The following COG2 variants were observed in gnomAD, a reference collection of about 807,000 sequenced individuals.
COG2 encodes conserved oligomeric Golgi complex subunit 2.
A neutral mutation model predicts 90.6 loss-of-function variants in COG2; 52 were observed. That is an observed-to-expected ratio of 0.57 (90% CI 0.46 to 0.72). COG2 has a LOEUF of 0.72. COG2 is among the 30% of genes least tolerant of loss of function. COG2 has a pLI of 0.00. For missense variants in COG2, 829 were observed against 891.2 expected, an observed-to-expected ratio of 0.93 and a Z score of 0.89; for synonymous variants, 337 against 320.4, an observed-to-expected ratio of 1.05 and a Z score of -0.55.
In COG2 at chr1:230,642,524, T is replaced by TGGCCGCGGCCGC; in HGVS notation, c.-82_-71dup. ...CCCCCTGTGCCGTGGAAACTGGCGG[T>TGGCCGCGGCCGC]GGCCGCGGCCGCCGAGTCGGTCTGC... On this transcript the variant is annotated 5_prime_UTR_variant, in exon 1 of 18. Transcript: ENST00000366669. The TGGCCGCGGCCGC allele has an allele frequency of 2.1e-6, 3 of 1,398,650 alleles. No individual in the cohort carries two copies. The South Asian group carries it at 3.8e-5, about 18-fold the overall frequency. The allele number at this position is 1,398,650 out of a possible 1,614,324, so 86.6% of individuals were successfully genotyped here.
At position 230,684,039 on chromosome 1, in the gene COG2, C is replaced by A. The variant is rs1974071; in HGVS notation, c.1228+404C>A. Among the ~76,000 whole-genome samples the A allele has an allele frequency of 2.6e-4, 40 of 151,974 alleles. 2 individuals are homozygous for A. The East Asian group carries it at 6.6e-3, about 25-fold the overall frequency. ...ACTCTGACCTCAAGTGATTCACCCC[C>A]CCTTGGCCTTCCAGAGTGCTGGGAT... On this transcript the variant is annotated intron_variant, in intron 11 of 17. Coordinates refer to ENST00000366669, the MANE Select transcript of COG2 (RefSeq NM_007357.3).
chr1:230,655,188 G>A (rs930507251), intron 1 of COG2, among the ~76,000 whole-genome samples: 11 of 152,170 alleles, frequency 7.2e-5, no homozygotes, highest in African/African-American at 2.4e-4. Flanking sequence ...TTTTCAAAGG[G>A]AATGCTTCCA....
At chr1:230,688,751 A>G (rs755144805) in intron 15 of COG2, among the ~76,000 whole-genome samples, 189 bp downstream of exon 15, 2 of 152,202 alleles carry the variant, frequency 1.3e-5, no homozygotes, top group African/African-American at 2.4e-5. Context: ...CTGGGCCACA[A>G]ACTGAAATAG....
chr1:230,668,262 G>C (rs1217842399), intron 5 of COG2, among the ~76,000 whole-genome samples: 1 of 152,020 alleles, frequency 6.6e-6, no homozygotes, highest in Non-Finnish European at 1.5e-5. Flanking sequence ...GGGAGAAGGG[G>C]AAAGGGGAGA....
intron 10 of COG2, chr1:230,680,795 A>G (rs1486966358): frequency 2.0e-5 from 3 of 152,158 alleles, no homozygotes; most frequent in East Asian, 1.9e-4. Flanking sequence ...GAACTTTTCT[A>G]TTGATTTTTA....
rs573685621 is a variant in COG2 at position 230,654,498 on chromosome 1, C to T, written c.73-4966C>T. On this transcript the variant is annotated intron_variant, in intron 1 of 17. Transcript: ENST00000366669. ...TATCTGTTTTCATACCAGTACCATA[C>T]TGTTTTGGTTACTGTAGCCTTGTAG... Among the ~76,000 whole-genome samples the T allele has an allele frequency of 5.3e-5, 8 of 152,288 alleles. No homozygotes were observed. In the South Asian group the frequency reaches 1.7e-3, roughly 32 times the overall value.
intron 1 of COG2, among the ~76,000 whole-genome samples, chr1:230,643,822 C>G (rs895037097): frequency 6.6e-6 from 1 of 152,144 alleles, no homozygotes; most frequent in South Asian, 2.1e-4. Flanking sequence ...AAAGAATGTA[C>G]AGAATCAACT....
intron 13 of COG2, among the ~76,000 whole-genome samples, chr1:230,687,397 G>A (rs2102773399): frequency 6.6e-6 from 1 of 152,246 alleles, no homozygotes; most frequent in Non-Finnish European, 1.5e-5. Flanking sequence ...CCTCCACCCT[G>A]CTTCCTTTTC....
chr1:230,672,473 C>T (rs1343379470), intron 8 of COG2, among the ~76,000 whole-genome samples: 1 of 152,090 alleles, frequency 6.6e-6, no homozygotes, highest in East Asian at 1.9e-4. Context: ...CTTCCTGTGC[C>T]CTTTGTTTTC....
intron 3 of COG2, among the ~76,000 whole-genome samples, chr1:230,662,592 A>G (rs1662206001): frequency 6.6e-6 from 1 of 152,180 alleles, no homozygotes. Flanking sequence ...TTCATGATAT[A>G]TTAGTACTTA....
rs1662061692 is a variant in COG2 at position 230,656,704 on chromosome 1, G to A, written c.73-2760G>A. Among the ~76,000 whole-genome samples, 4 of 152,242 alleles carry A rather than the reference G, an allele frequency of 2.6e-5. No homozygotes were observed. The South Asian group carries it at 8.3e-4, about 32-fold the overall frequency. ...TTCAAATCTCCCACTATTATTGTGT[G>A]GGAGTCTAAGTCTCTTTGTAGGTCT... On this transcript the variant is annotated intron_variant, in intron 1 of 17. Coordinates refer to ENST00000366669, the MANE Select transcript of COG2 (RefSeq NM_007357.3).
chr1:230,671,813 G>T (rs886541304), intron 8 of COG2, among the ~76,000 whole-genome samples, 173 bp downstream of exon 8: 2 of 152,144 alleles, frequency 1.3e-5, no homozygotes, highest in Non-Finnish European at 2.9e-5. Context: ...GATTCCATTA[G>T]CCTCATTTCA....
intron 1 of COG2, among the ~76,000 whole-genome samples, chr1:230,658,343 C>G (rs1662111369): frequency 6.6e-6 from 1 of 152,130 alleles, no homozygotes; most frequent in African/African-American, 2.4e-5. Flanking sequence ...GTTGGAGGTC[C>G]ACTCCAGACC....
At chr1:230,676,519 C>T (rs189890631) in intron 9 of COG2, among the ~76,000 whole-genome samples, 53 of 152,198 alleles carry the variant, frequency 3.5e-4, no homozygotes, top group East Asian at 3.5e-3. Flanking sequence ...TTTGTTTCCT[C>T]GCTCGTACTT....
At chr1:230,675,276 C>T (rs1304377375) in intron 9 of COG2, 152 bp downstream of exon 9, 1 of 755,970 alleles carries the variant, frequency 1.3e-6, no homozygotes. Context: ...ACACACACAT[C>T]GTTTTATCCA....
intron 3 of COG2, among the ~76,000 whole-genome samples, chr1:230,661,100 A>G (rs979961583): frequency 6.6e-6 from 1 of 151,856 alleles, no homozygotes; most frequent in African/African-American, 2.4e-5. Context: ...CTATTTGAAA[A>G]CTCAACTTGT....
chr1:230,659,695 GTGT>G, intron 2 of COG2, 70 bp downstream of exon 2: 1 of 1,487,414 alleles, frequency 6.7e-7, no homozygotes, highest in East Asian at 2.3e-5. Flanking sequence ...ATTCTTAGAA[GTGT>G]TGTGTGTTTT....
intron 1 of COG2, among the ~76,000 whole-genome samples, chr1:230,650,999 A>C (rs990801705): frequency 6.6e-6 from 1 of 152,204 alleles, no homozygotes; most frequent in African/African-American, 2.4e-5. Flanking sequence ...TTTGAAACAC[A>C]CAGACATACA....
At chr1:230,678,678 G>A (rs1662657356) in intron 9 of COG2, 1 of 1,432,900 alleles carries the variant, frequency 7.0e-7, no homozygotes, top group East Asian at 3.2e-5. Context: ...GAGTGCCTGG[G>A]TCTCAGATGG....
Sources: allele counts gnomAD v4.1 joint callset (sites outside exome capture counted in the v4.1 genomes callset), GRCh38; gene constraint gnomAD v4.1.1; transcripts MANE v1.5; gene names NCBI Gene and HGNC (gene_info 2026-07-23, HGNC 2026-07-21).